The following XRCC5 variants were observed in gnomAD, a reference collection of about 807,000 sequenced individuals.
XRCC5 encodes X-ray repair cross complementing 5, also known as DNA repair protein Ku80.
Under a neutral mutation model 95.7 loss-of-function variants are expected in XRCC5, and 12 were observed. The observed-to-expected ratio is 0.13, with a 90% CI of 0.08 to 0.20. The LOEUF (loss-of-function observed/expected upper bound fraction) is 0.20, where lower values mean the gene tolerates loss of function less well. XRCC5 is among the 10% of genes least tolerant of loss of function. The pLI, the probability that XRCC5 is intolerant of heterozygous loss-of-function variation, is 1.00. For missense variants in XRCC5, 595 were observed against 873.9 expected, an observed-to-expected ratio of 0.68 and a Z score of 4.02; for synonymous variants, 281 against 290.3, an observed-to-expected ratio of 0.97 and a Z score of 0.33.
chr2:216,168,270 A>G (rs937632451), intron 16 of XRCC5, among the ~76,000 whole-genome samples: 1 of 152,242 alleles, frequency 6.6e-6, no homozygotes, highest in African/African-American at 2.4e-5. Context: ...CAAATTCCAG[A>G]GAGCCAATTC....
At chr2:216,171,563 A>G (rs563819132) in intron 16 of XRCC5, among the ~76,000 whole-genome samples, 1 of 152,300 alleles carries the variant, frequency 6.6e-6, no homozygotes, top group South Asian at 2.1e-4. Context: ...AACTACTGAA[A>G]TCTGTAGTTA....
intron 14 of XRCC5, among the ~76,000 whole-genome samples, chr2:216,150,906 A>G (rs1258898367): frequency 6.6e-6 from 1 of 152,106 alleles, no homozygotes; most frequent in African/African-American, 2.4e-5. Context: ...AAAGAAAAAT[A>G]AAAGAAAACG....
At chr2:216,123,508 T>A (rs1696852188) in intron 6 of XRCC5, among the ~76,000 whole-genome samples, 1 of 152,178 alleles carries the variant, frequency 6.6e-6, no homozygotes, top group African/African-American at 2.4e-5. Flanking sequence ...ACCCATGATA[T>A]CACAAAGAAA....
intron 11 of XRCC5, 82 bp from the exon 12 acceptor site, chr2:216,138,007 A>C: frequency 8.3e-7 from 1 of 1,203,676 alleles, no homozygotes; most frequent in Non-Finnish European, 1.2e-6. Context: ...CTGTTATGCT[A>C]CTTTCACAGA....
chr2:216,145,216 G>A, intron 13 of XRCC5, among the ~76,000 whole-genome samples: 1 of 152,118 alleles, frequency 6.6e-6, no homozygotes, highest in Non-Finnish European at 1.5e-5. Context: ...AGGAGGTTGT[G>A]GGATCCAGGA....
intron 8 of XRCC5, 26 bp from the exon 9 acceptor site, chr2:216,130,849 A>G (rs55649735): frequency 6.5e-6 from 10 of 1,544,338 alleles, no homozygotes; most frequent in East Asian, 4.5e-5. Context: ...CATATGCTTA[A>G]CAGATGCTCT....
intron 13 of XRCC5, among the ~76,000 whole-genome samples, chr2:216,147,676 T>G (rs1688665100): frequency 6.6e-6 from 1 of 152,102 alleles, no homozygotes; most frequent in Non-Finnish European, 1.5e-5. Context: ...TCTCTGAGAT[T>G]AAGTGAGGGA....
intron 17 of XRCC5, 149 bp from the exon 18 acceptor site, chr2:216,192,490 A>T (rs1689632639): frequency 2.1e-6 from 1 of 471,700 alleles, no homozygotes; most frequent in African/African-American, 2.0e-5. Context: ...CTCAGTTTGG[A>T]ATGCCAGCTT....
At chr2:216,140,845 A>G (rs1014691639) in intron 12 of XRCC5, among the ~76,000 whole-genome samples, 1 of 152,214 alleles carries the variant, frequency 6.6e-6, no homozygotes, top group African/African-American at 2.4e-5. Context: ...TATTAGCTCA[A>G]TGGATACTAA....
intron 10 of XRCC5, among the ~76,000 whole-genome samples, chr2:216,134,419 GTTTTTTTTTTTGT>G (rs763150514): frequency 2.2e-5 from 3 of 135,492 alleles, no homozygotes; most frequent in Non-Finnish European, 4.8e-5. Context: ...CTTCCTTCTT[GTTTTTTTTTTTGT>G]TTTTTTTTTT....
At chr2:216,191,231 C>T (rs889643982) in intron 17 of XRCC5, among the ~76,000 whole-genome samples, 1 of 152,020 alleles carries the variant, frequency 6.6e-6, no homozygotes, top group African/African-American at 2.4e-5. Context: ...TTTTTTAAAG[C>T]ACTACCCAGG....
chr2:216,153,927 T>A (rs1248186486), intron 14 of XRCC5, among the ~76,000 whole-genome samples: 1 of 152,246 alleles, frequency 6.6e-6, no homozygotes, highest in Non-Finnish European at 1.5e-5. Context: ...CTTTGTTATC[T>A]GCTTTCTTCT....
chr2:216,195,355 C>CTTTTCTTTTCTT (rs1689697165), intron 19 of XRCC5, among the ~76,000 whole-genome samples: 1 of 73,728 alleles, frequency 1.4e-5, no homozygotes, highest in Non-Finnish European at 2.5e-5. Flanking sequence ...TTTTTCTTTT[C>CTTTTCTTTTCTT]TTTTCTTTTC....
At chr2:216,174,995 T>C (rs1689246310) in intron 16 of XRCC5, 4 of 323,564 alleles carry the variant, frequency 1.2e-5, no homozygotes, top group Non-Finnish European at 2.4e-5. Context: ...CTGCACCCTT[T>C]AATGGGTTCA....
chr2:216,185,858 C>CA (rs1160933447), intron 16 of XRCC5, among the ~76,000 whole-genome samples: 4 of 152,080 alleles, frequency 2.6e-5, no homozygotes, highest in Non-Finnish European at 5.9e-5. Flanking sequence ...CTCCTGACCT[C>CA]AAGTGATCCG....
At chr2:216,117,823 G>A (rs1175760838) in intron 4 of XRCC5, 29 bp downstream of exon 4, 2 of 1,613,576 alleles carry the variant, frequency 1.2e-6, no homozygotes, top group East Asian at 2.2e-5. Flanking sequence ...AGAGCTGGAA[G>A]AGAATCTTTT....
intron 5 of XRCC5, among the ~76,000 whole-genome samples, chr2:216,120,232 A>G (rs1696780408): frequency 6.6e-6 from 1 of 152,218 alleles, no homozygotes; most frequent in Admixed American, 6.5e-5. Context: ...TCAGTACTTC[A>G]GAAGCCCAGC....
At chr2:216,127,710 A>C in intron 8 of XRCC5, 36 bp downstream of exon 8, 1 of 1,556,620 alleles carries the variant, frequency 6.4e-7, no homozygotes, top group Non-Finnish European at 8.6e-7. Flanking sequence ...TGCCTAAAAG[A>C]CATTTTCTTC....
intron 2 of XRCC5, among the ~76,000 whole-genome samples, chr2:216,115,247 C>T (rs539542243): frequency 8.7e-4 from 132 of 152,168 alleles, no homozygotes; most frequent in South Asian, 3.3e-3. Context: ...TGGATAACTG[C>T]CGACTTACAC....
Sources: allele counts gnomAD v4.1 joint callset (sites outside exome capture counted in the v4.1 genomes callset), GRCh38; gene constraint gnomAD v4.1.1; transcripts MANE v1.5; gene names NCBI Gene and HGNC (gene_info 2026-07-23, HGNC 2026-07-21).